Variants in BBS12 observed in about 807,000 individuals in gnomAD.
BBS12 encodes Bardet-Biedl syndrome 12.
A neutral mutation model predicts 5.6 loss-of-function variants in BBS12; 5 were observed. That is an observed-to-expected ratio of 0.89 (90% CI 0.46 to 1.86). The LOEUF is 1.86. BBS12 is among the 40% of genes most tolerant of loss of function. BBS12 has a pLI of 0.01. For missense variants in BBS12, 748 were observed against 830.4 expected (o/e 0.90, Z 1.22); for synonymous variants, 308 against 306.8 (o/e 1.00, Z -0.04).
chr4:122,701,025 G>A, the BBS12 span, among the ~76,000 whole-genome samples: 1 of 152,148 alleles, frequency 6.6e-6, no homozygotes, highest in Non-Finnish European at 1.5e-5. Context: ...TAAATCTTCT[G>A]CTTTGTAGAT....
At chr4:122,736,539 C>T (rs905105080) in intron 1 of BBS12, among the ~76,000 whole-genome samples, 10 of 151,988 alleles carry the variant, frequency 6.6e-5, no homozygotes, top group African/African-American at 2.2e-4. Flanking sequence ...TGTCAAAATT[C>T]CAGTTAAGTT....
Position 122,743,169 on chromosome 4 carries a change from G to A in BBS12, c.1277G>A (p.Cys426Tyr), listed in dbSNP as rs886059058. Residue 426 changes from cysteine to tyrosine, a missense_variant, in exon 2 of 2, where the codon TGT becomes TAT. By Grantham distance (194) the Cys-to-Tyr change is radical. Transcript: ENST00000314218. Reference protein sequence around the residue: ...GNVSERLIEKCINSKRLVIGS... With the variant: ...GNVSERLIEKYINSKRLVIGS... Reference sequence around the variant, plus strand: ...GTGTCCGAACGCTTAATTGAAAAATGTATAAACAGTAAGCGGTTGGTAATC... The same window carrying A: ...GTGTCCGAACGCTTAATTGAAAAATATATAAACAGTAAGCGGTTGGTAATC... The A allele has an allele frequency of 5.6e-6, 9 of 1,614,238 alleles. No homozygotes were observed. The highest frequency in any genetic ancestry group is 7.6e-6 in the Non-Finnish European group (9 of 1,180,042).
the BBS12 span, among the ~76,000 whole-genome samples, chr4:122,707,081 G>T: frequency 3.8e-5 from 4 of 106,250 alleles, no homozygotes; most frequent in Non-Finnish European, 5.2e-5. Context: ...TTTTTTCAGA[G>T]AGAGAGAGAT....
At chr4:122,724,864 G>A in the BBS12 span, among the ~76,000 whole-genome samples, 1 of 152,148 alleles carries the variant, frequency 6.6e-6, no homozygotes, top group African/African-American at 2.4e-5. Context: ...TAAATAAATA[G>A]ATCCAAAACT....
rs35159397 is a variant in BBS12, at chr4:122,741,997, A to T, written c.105A>T (p.Ser35=). Residue 35 remains serine (S), a synonymous_variant, in exon 2 of 2, where the codon TCA becomes TCT. Transcript: ENST00000314218. ...TGRTFLGPLK[S]SKFIIDEECH... ...GAACTTTCCTAGGCCCACTAAAATC[A>T]TCCAAATTTATTATAGATGAAGAAT... 435 of 1,613,498 alleles carry T rather than the reference A, an allele frequency of 2.7e-4. No homozygotes were observed. In the African/African-American group the frequency reaches 4.8e-3, roughly 18 times the overall value.
At chr4:122,737,633 C>T (rs1182407745) in intron 1 of BBS12, among the ~76,000 whole-genome samples, 7 of 152,172 alleles carry the variant, frequency 4.6e-5, no homozygotes, top group African/African-American at 1.7e-4. Flanking sequence ...TCTGGAGCAA[C>T]TGGATATCCA....
At chr4:122,717,991 C>T in the BBS12 span, among the ~76,000 whole-genome samples, 1 of 152,118 alleles carries the variant, frequency 6.6e-6, no homozygotes, top group African/African-American at 2.4e-5. Context: ...AATTTACTGT[C>T]CATGTGATGT....
intron 1 of BBS12, among the ~76,000 whole-genome samples, chr4:122,733,425 A>ACACACACACC (rs1560702542): frequency 8.5e-6 from 1 of 117,750 alleles, no homozygotes; most frequent in Non-Finnish European, 1.8e-5. Flanking sequence ...ACACACACAC[A>ACACACACACC]TCCAGCCATT....
rs1308155092 is a variant in BBS12 at position 122,742,294 on chromosome 4, T to C, written c.402T>C (p.Val134=). The change falls in exon 2 of 2, where the codon GTT becomes GTC. Residue 134 remains valine, a synonymous_variant. Coordinates refer to ENST00000314218, the MANE Select transcript of BBS12 (RefSeq NM_152618.3). ...AGGTAGTTTCTCTTCATGTACCTGT[T>C]CACAATATATTTGACTGTATGGACA... ...SEEVVSLHVP[V]HNIFDCMDST... is the part of the protein sequence containing the mutation. 6.2e-7 allele frequency: 1 copy of C among 1,613,850 alleles called. No individual in the cohort carries two copies. The highest frequency in any genetic ancestry group is 2.2e-5 in the East Asian group (1 of 44,884).
At chr4:122,730,684 T>C (rs12640277), upstream of BBS12, 23,825 of 152,108 alleles carry the variant, frequency 0.16, 2,997 homozygotes, top group East Asian at 0.64. Flanking sequence ...ATGACATAAA[T>C]GAAGTCAAAC....
At chr4:122,711,775 A>G in the BBS12 span, among the ~76,000 whole-genome samples, 1 of 152,240 alleles carries the variant, frequency 6.6e-6, no homozygotes, top group East Asian at 1.9e-4. Flanking sequence ...AAGGAGATGC[A>G]TATGAATGAC....
chr4:122,704,562 G>A, the BBS12 span, among the ~76,000 whole-genome samples: 10 of 152,114 alleles, frequency 6.6e-5, no homozygotes, highest in Non-Finnish European at 1.3e-4. Flanking sequence ...TGCCAGGCAG[G>A]AAAATATAAG....
chr4:122,740,946 G>T (rs1236911309), intron 1 of BBS12, among the ~76,000 whole-genome samples: 4 of 152,084 alleles, frequency 2.6e-5, no homozygotes, highest in Non-Finnish European at 5.9e-5. Context: ...CTTGCTGAGG[G>T]CTATATAGCT....
chr4:122,707,258 AG>A, the BBS12 span, among the ~76,000 whole-genome samples: 1 of 149,334 alleles, frequency 6.7e-6, no homozygotes, highest in Non-Finnish European at 1.5e-5. Flanking sequence ...TTCCCTCCAC[AG>A]TCTATGTCTC....
chr4:122,716,715 A>ATGTGTGTATATACACACACACGTG, the BBS12 span, among the ~76,000 whole-genome samples: 7 of 76,758 alleles, frequency 9.1e-5, 1 homozygote, highest in Non-Finnish European at 1.4e-4. Context: ...ACATACACAT[A>ATGTGTGTATATACACACACACGTG]TGTGTGTATA....
rs1800946744 is a variant in BBS12 at position 122,744,037 on chromosome 4, A to G, written c.*12A>G. 6 of 1,603,776 alleles carry G rather than the reference A, an allele frequency of 3.7e-6. No homozygotes were observed. The highest frequency in any genetic ancestry group is 3.4e-6 in the Non-Finnish European group (4 of 1,170,742). On this transcript the variant is annotated 3_prime_UTR_variant, in exon 2 of 2. Coordinates refer to ENST00000314218, the MANE Select transcript of BBS12 (RefSeq NM_152618.3). ...TTCTATTTTTGTAGTGTTACTGGCT[A>G]AGTCTTTGGAAAATAATTTTTCATA...
chr4:122,707,056 T>C, the BBS12 span, among the ~76,000 whole-genome samples: 13 of 16,118 alleles, frequency 8.1e-4, no homozygotes, highest in South Asian at 0.012. Context: ...CTCTCTCTCT[T>C]TTTTTTTTTT....
chr4:122,703,865 A>T, the BBS12 span, among the ~76,000 whole-genome samples: 1 of 152,134 alleles, frequency 6.6e-6, no homozygotes, highest in African/African-American at 2.4e-5. Context: ...TCATTTATTT[A>T]TTGAGACAGA....
intron 1 of BBS12, among the ~76,000 whole-genome samples, chr4:122,739,086 AC>A (rs1250053798): frequency 6.6e-6 from 1 of 152,220 alleles, no homozygotes; most frequent in Non-Finnish European, 1.5e-5. Context: ...GAAGCCAAGG[AC>A]CACTAGGAGC....
Sources: allele counts gnomAD v4.1 joint callset (sites outside exome capture counted in the v4.1 genomes callset), GRCh38; gene constraint gnomAD v4.1.1; transcripts MANE v1.5; gene names NCBI Gene and HGNC (gene_info 2026-07-23, HGNC 2026-07-21).